Variants in CLIC5 observed in about 807,000 individuals in gnomAD.
CLIC5 encodes chloride intracellular channel protein 5.
Under a neutral mutation model 24.7 loss-of-function variants are expected in CLIC5, and 20 were observed. The observed-to-expected ratio is 0.81, with a 90% confidence interval of 0.57 to 1.18. The LOEUF is 1.18. Ranked by LOEUF, CLIC5 falls within the 50% of genes most tolerant of loss-of-function variation. The pLI is 0.00. For missense variants in CLIC5, 341 were observed against 326.1 expected (o/e 1.05, Z -0.35); for synonymous variants, 159 against 135.6 (o/e 1.17, Z -1.20).
chr6:45,945,316 C>T (rs1433365200), intron 3 of CLIC5, among the ~76,000 whole-genome samples: 1 of 152,184 alleles, frequency 6.6e-6, no homozygotes, highest in Non-Finnish European at 1.5e-5. Flanking sequence ...GGTCATTTGC[C>T]TGTAGCGGAG....
intron 1 of CLIC5, among the ~76,000 whole-genome samples, chr6:45,998,394 C>A (rs1766229466): frequency 6.6e-6 from 1 of 152,086 alleles, no homozygotes; most frequent in South Asian, 2.1e-4. Context: ...AATGATTTGT[C>A]AGAATAGCAC....
At chr6:46,066,293 T>C (rs1361249808) in intron 1 of CLIC5, among the ~76,000 whole-genome samples, 3 of 152,182 alleles carry the variant, frequency 2.0e-5, no homozygotes, top group Non-Finnish European at 4.4e-5. Context: ...GGAGCACCTC[T>C]ATTTTTTACT....
the CLIC5 span, among the ~76,000 whole-genome samples, chr6:46,088,613 A>G: frequency 5.3e-5 from 8 of 152,210 alleles, no homozygotes; most frequent in African/African-American, 1.7e-4. Context: ...AAGTATCTAT[A>G]TTTTTAAAAT....
intron 6 of CLIC5, among the ~76,000 whole-genome samples, chr6:45,883,237 G>T (rs1191379275): frequency 6.6e-6 from 1 of 152,248 alleles, no homozygotes; most frequent in Non-Finnish European, 1.5e-5. Flanking sequence ...TTTTATCAGA[G>T]ATTCCCACCA....
chr6:45,933,515 G>A (rs965524773), intron 4 of CLIC5, among the ~76,000 whole-genome samples: 5 of 152,366 alleles, frequency 3.3e-5, no homozygotes, highest in African/African-American at 9.6e-5. Context: ...TGCCCAGCAC[G>A]TCACAGATAC....
At chr6:45,887,322 G>A (rs1240224614) in intron 6 of CLIC5, among the ~76,000 whole-genome samples, 1 of 152,150 alleles carries the variant, frequency 6.6e-6, no homozygotes, top group South Asian at 2.1e-4. Context: ...GAGAATCCTT[G>A]TCTCTTCCCC....
chr6:46,120,885 A>G, the CLIC5 span, among the ~76,000 whole-genome samples: 4 of 152,216 alleles, frequency 2.6e-5, no homozygotes, highest in South Asian at 2.1e-4. Flanking sequence ...TTAGAGAAAA[A>G]AGAATAAAAA....
At chr6:46,020,047 G>A (rs758310253), upstream of CLIC5, among the ~76,000 whole-genome samples, 2 of 151,984 alleles carry the variant, frequency 1.3e-5, no homozygotes, top group South Asian at 4.2e-4. Context: ...ATAGAATATA[G>A]AAGACCTAAA....
At chr6:45,886,642 A>C (rs9395131) in intron 6 of CLIC5, among the ~76,000 whole-genome samples, 1 of 152,086 alleles carries the variant, frequency 6.6e-6, no homozygotes, top group African/African-American at 2.4e-5. Context: ...GAAGGAAGAA[A>C]CTGCCAAATA....
intron 1 of CLIC5, among the ~76,000 whole-genome samples, chr6:46,050,578 A>AAATTAAAAC (rs1384762038): frequency 2.6e-5 from 4 of 152,218 alleles, no homozygotes; most frequent in African/African-American, 9.6e-5. Context: ...TAAACTTTAG[A>AAATTAAAAC]AATTAAAACA....
upstream of CLIC5, among the ~76,000 whole-genome samples, chr6:46,016,656 G>T (rs1213136303): frequency 2.6e-5 from 4 of 152,134 alleles, no homozygotes; most frequent in Admixed American, 2.6e-4. Flanking sequence ...ATGCCTCAAT[G>T]AATTTTCACA....
Position 45,966,422 on chromosome 6 carries a change from C to T in CLIC5, c.64-11178G>A, listed in dbSNP as rs569715746. Reference sequence around the variant, plus strand: ...CAGAATTCTTTTCCCTCAATGTTCTCGAGGTGATTCTAATGTTCAGTCAGG... The same window carrying T: ...CAGAATTCTTTTCCCTCAATGTTCTTGAGGTGATTCTAATGTTCAGTCAGG... On this transcript the variant is annotated intron_variant, in intron 1 of 5. Transcript: ENST00000339561. 2.0e-5 allele frequency among the ~76,000 whole-genome samples: 3 copies of T among 152,254 alleles called. No homozygotes were observed. The South Asian group carries it at 6.2e-4, about 32-fold the overall frequency.
intron 1 of CLIC5, among the ~76,000 whole-genome samples, chr6:45,957,037 A>C (rs946030590): frequency 3.3e-5 from 5 of 152,160 alleles, no homozygotes; most frequent in Non-Finnish European, 5.9e-5. Flanking sequence ...GTCCTTTAAG[A>C]CATCCCGACA....
chr6:45,976,996 A>G (rs947983942), intron 1 of CLIC5, among the ~76,000 whole-genome samples: 2 of 152,220 alleles, frequency 1.3e-5, no homozygotes, highest in African/African-American at 4.8e-5. Context: ...GTTCATACAG[A>G]TCTGCCCACA....
chr6:46,079,880 T>C lies in CLIC5; in HGVS notation c.363A>G (p.Ala121=), dbSNP rs1010510364. 105 of 1,552,020 alleles carry C rather than the reference T, an allele frequency of 6.8e-5. No individual in the cohort carries two copies. The Admixed American group carries it at 2.0e-3, about 30-fold the overall frequency. The change falls in exon 1 of 6, where the codon GCA becomes GCG. Residue 121 remains alanine, a synonymous_variant. Transcript: ENST00000185206. ...CACTCCCATTCTCCTGGAGTTCTGC[T>C]GCGCAGAGTTGCTGGTCCTGGGTTG...
In CLIC5 at chr6:46,006,368, AC is replaced by A. The variant is rs1278423445; in HGVS notation, c.63+9111del. On this transcript the variant is annotated intron_variant, in intron 1 of 5. Coordinates refer to ENST00000339561, the MANE Select transcript of CLIC5 (RefSeq NM_016929.5). ...ACCATATTGGCCAGGCTGGTCTCGA[AC>A]TCTTGACCTCATGATCTGCCCACCT... Among the ~76,000 whole-genome samples, 9 of 149,984 alleles carry A rather than the reference AC, an allele frequency of 6.0e-5. No homozygotes were observed. In the South Asian group the frequency reaches 8.4e-4, roughly 14 times the overall value.
At chr6:46,124,357 T>A in the CLIC5 span, among the ~76,000 whole-genome samples, 6 of 152,238 alleles carry the variant, frequency 3.9e-5, no homozygotes, top group African/African-American at 1.4e-4. Context: ...TAACAAATGG[T>A]GCTGGGAAAA....
At position 45,998,602 on chromosome 6, in the gene CLIC5, A is replaced by T. The variant is rs190814836; in HGVS notation, c.63+16878T>A. 3.9e-4 allele frequency among the ~76,000 whole-genome samples: 60 copies of T among 152,322 alleles called. 1 individual carries two copies. The highest frequency in any genetic ancestry group is 5.9e-5 in the Non-Finnish European group (4 of 68,024). ...ATAGGAATATTAATAACCTGGATTC[A>T]CATCAGAATGTTCTCCAAGTAATTC... On this transcript the variant is annotated intron_variant, in intron 1 of 5. Coordinates refer to ENST00000339561, the MANE Select transcript of CLIC5 (RefSeq NM_016929.5).
downstream of CLIC5, chr6:45,898,381 A>G (rs1205559254): frequency 6.6e-6 from 1 of 151,932 alleles, no homozygotes; most frequent in African/African-American, 2.4e-5. Context: ...GAAAAAAAAA[A>G]GGTACTTCAT....
Sources: allele counts gnomAD v4.1 joint callset (sites outside exome capture counted in the v4.1 genomes callset), GRCh38; gene constraint gnomAD v4.1.1; transcripts MANE v1.5; gene names NCBI Gene and HGNC (gene_info 2026-07-23, HGNC 2026-07-21).